The following MAGI2 variants were observed in gnomAD, a reference collection of about 807,000 sequenced individuals.
MAGI2 encodes membrane associated guanylate kinase, WW and PDZ domain containing 2.
In MAGI2, 35 loss-of-function variants were observed where a neutral mutation model predicts 133.3. The observed-to-expected ratio is 0.26, with a 90% CI of 0.20 to 0.35. The LOEUF is 0.35. Among genes scored for constraint, MAGI2 ranks in the 10% least tolerant of loss-of-function variants. The pLI is 1.00. For synonymous variants in MAGI2, 729 were observed against 710.6 expected (o/e 1.03, Z -0.41); for missense variants, 1,636 against 1,863.4 (o/e 0.88, Z 2.25).
intron 9 of MAGI2, among the ~76,000 whole-genome samples, chr7:78,339,340 G>T (rs978212603): frequency 1.3e-5 from 2 of 152,134 alleles, no homozygotes; most frequent in Non-Finnish European, 1.5e-5. Flanking sequence ...AAGACAATCT[G>T]CTAAATTCTA....
intron 1 of MAGI2, among the ~76,000 whole-genome samples, chr7:79,283,593 G>A (rs550767022): frequency 6.6e-6 from 1 of 152,164 alleles, no homozygotes; most frequent in Admixed American, 6.6e-5. Context: ...ATTAGTTCAG[G>A]TGGAATATGT....
intron 1 of MAGI2, among the ~76,000 whole-genome samples, chr7:79,362,154 G>T (rs1842417259): frequency 6.6e-6 from 1 of 151,676 alleles, no homozygotes; most frequent in African/African-American, 2.4e-5. Flanking sequence ...CAATAAAATT[G>T]ACAAACTTTT....
chr7:78,638,446 T>G (rs1206254520), intron 2 of MAGI2, among the ~76,000 whole-genome samples: 1 of 152,214 alleles, frequency 6.6e-6, no homozygotes, highest in Admixed American at 6.5e-5. Context: ...CAAAGAAACT[T>G]TGGTTGCATA....
chr7:79,229,770 C>CT (rs902329788), intron 1 of MAGI2, among the ~76,000 whole-genome samples: 136 of 150,868 alleles, frequency 9.0e-4, no homozygotes, highest in Middle Eastern at 3.4e-3. Flanking sequence ...GAAAAATATT[C>CT]TTTTTTTTTA....
intron 1 of MAGI2, among the ~76,000 whole-genome samples, chr7:79,409,115 C>A (rs1169287062): frequency 1.3e-5 from 2 of 151,738 alleles, no homozygotes; most frequent in African/African-American, 2.4e-5. Context: ...TTCACAGATA[C>A]CTGAGGGGAA....
At chr7:78,757,605 T>G (rs1356403325) in intron 2 of MAGI2, among the ~76,000 whole-genome samples, 1 of 152,166 alleles carries the variant, frequency 6.6e-6, no homozygotes, top group Non-Finnish European at 1.5e-5. Context: ...TGAGTCCTCA[T>G]CTTATATGAC....
rs1804824303 is a variant in MAGI2 at position 78,981,910 on chromosome 7, T to G, written c.418+25180A>C. ...CCTAGAGCCTCAGACCAAGACGATA[T>G]TCCTTGACAATTCCCTGGCTCAGCA... On this transcript the variant is annotated intron_variant, in intron 2 of 21. Transcript: ENST00000354212. 2.0e-5 allele frequency among the ~76,000 whole-genome samples: 3 copies of G among 152,006 alleles called. No homozygotes were observed. The South Asian group carries it at 6.2e-4, about 32-fold the overall frequency.
intron 20 of MAGI2, among the ~76,000 whole-genome samples, chr7:78,125,052 G>C (rs1177770460): frequency 6.6e-6 from 1 of 151,932 alleles, no homozygotes; most frequent in East Asian, 1.9e-4. Context: ...TTTTAGTAGA[G>C]ATGGGGTTTC....
chr7:79,395,232 T>A (rs1272117020), intron 1 of MAGI2, among the ~76,000 whole-genome samples: 1 of 152,182 alleles, frequency 6.6e-6, no homozygotes, highest in African/African-American at 2.4e-5. Context: ...TTACCTTAGA[T>A]AAAGGAATAT....
At chr7:79,362,580 A>G (rs1300352212) in intron 1 of MAGI2, among the ~76,000 whole-genome samples, 1 of 152,110 alleles carries the variant, frequency 6.6e-6, no homozygotes, top group Non-Finnish European at 1.5e-5. Flanking sequence ...TTATAAAAAT[A>G]TGTGTATACC....
intron 2 of MAGI2, among the ~76,000 whole-genome samples, chr7:78,891,825 G>C (rs1190058870): frequency 6.6e-6 from 1 of 152,208 alleles, no homozygotes; most frequent in Non-Finnish European, 1.5e-5. Flanking sequence ...GCACAAGACA[G>C]GGATGCCCTC....
In MAGI2 at chr7:79,367,183, T is replaced by C. The variant is rs367849976; in HGVS notation, c.301+85837A>G. ...CCCATCCGTCGCAAGAATTTAATATTAGAAACTGCAAGAATAGTGCTGCTG... is the reference window on the plus strand; with the variant it reads ...CCCATCCGTCGCAAGAATTTAATATCAGAAACTGCAAGAATAGTGCTGCTG... On this transcript the variant is annotated intron_variant, in intron 1 of 21. Coordinates refer to ENST00000354212, the MANE Select transcript of MAGI2 (RefSeq NM_012301.4). Among the ~76,000 whole-genome samples the C allele has an allele frequency of 8.5e-4, 130 of 152,332 alleles. 1 individual carries two copies. In the South Asian group the frequency reaches 0.01, roughly 12 times the overall value.
intron 2 of MAGI2, among the ~76,000 whole-genome samples, chr7:78,754,504 T>G (rs1290932868): frequency 6.6e-6 from 1 of 152,152 alleles, no homozygotes; most frequent in Non-Finnish European, 1.5e-5. Flanking sequence ...CTCACTGACA[T>G]TTCCACATTA....
At chr7:79,136,769 GT>G (rs1562930120) in intron 1 of MAGI2, among the ~76,000 whole-genome samples, 1 of 152,176 alleles carries the variant, frequency 6.6e-6, no homozygotes, top group East Asian at 1.9e-4. Context: ...AAGTAATTGA[GT>G]TTTTTAAGCT....
At chr7:78,341,383 C>A (rs549444957) in intron 9 of MAGI2, among the ~76,000 whole-genome samples, 3 of 152,098 alleles carry the variant, frequency 2.0e-5, no homozygotes, top group African/African-American at 7.2e-5. Context: ...GGCCATACTG[C>A]CCAAATAATT....
At chr7:78,721,938 TAG>T (rs1207741372) in intron 2 of MAGI2, among the ~76,000 whole-genome samples, 1 of 151,928 alleles carries the variant, frequency 6.6e-6, no homozygotes, top group Non-Finnish European at 1.5e-5. Context: ...CTTGATTGTT[TAG>T]ATTTTAATAA....
intron 1 of MAGI2, among the ~76,000 whole-genome samples, chr7:79,038,754 G>C (rs907345276): frequency 6.6e-6 from 1 of 151,898 alleles, no homozygotes; most frequent in Admixed American, 6.6e-5. Flanking sequence ...AAGGCTTTTT[G>C]CTTTTCTAAA....
chr7:78,046,493 C>T (rs1811449567), intron 21 of MAGI2, among the ~76,000 whole-genome samples: 1 of 152,062 alleles, frequency 6.6e-6, no homozygotes, highest in African/African-American at 2.4e-5. Context: ...GCTGACCACA[C>T]ATGTTGAATT....
At chr7:78,605,636 G>A (rs185156127) in intron 3 of MAGI2, among the ~76,000 whole-genome samples, 69 of 152,282 alleles carry the variant, frequency 4.5e-4, no homozygotes, top group Non-Finnish European at 8.5e-4. Flanking sequence ...ATAGAACACA[G>A]AGCATGCTGA....
Sources: allele counts gnomAD v4.1 joint callset (sites outside exome capture counted in the v4.1 genomes callset), GRCh38; gene constraint gnomAD v4.1.1; transcripts MANE v1.5; gene names NCBI Gene and HGNC (gene_info 2026-07-23, HGNC 2026-07-21).